The following MBD2 variants were observed in gnomAD, a reference collection of about 807,000 sequenced individuals.
MBD2 encodes the protein methyl-CpG binding domain protein 2.
MBD2 carries 9 observed loss-of-function variants against 39.3 expected under a neutral mutation model. That is an observed-to-expected ratio of 0.23 (90% CI 0.14 to 0.40). MBD2 has a LOEUF of 0.40. Ranked by LOEUF, MBD2 falls within the 10% of genes least tolerant of loss-of-function variation. The pLI is 1.00. For missense variants in MBD2, 458 were observed against 532.6 expected (o/e 0.86, Z 1.38); for synonymous variants, 233 against 211.1 (o/e 1.10, Z -0.90).
chr18:54,177,821 TC>T (rs1351178119), intron 3 of MBD2, among the ~76,000 whole-genome samples: 1 of 136,774 alleles, frequency 7.3e-6, no homozygotes, highest in Non-Finnish European at 1.5e-5. Context: ...ATTTTTTTTT[TC>T]CTCTCTTTTT....
At chr18:54,170,014 T>C (rs944750970) in intron 3 of MBD2, among the ~76,000 whole-genome samples, 1 of 152,204 alleles carries the variant, frequency 6.6e-6, no homozygotes, top group African/African-American at 2.4e-5. Flanking sequence ...AACCAGCTGA[T>C]TGAGGGAGAA....
intron 3 of MBD2, among the ~76,000 whole-genome samples, chr18:54,169,397 A>G (rs192513618): frequency 6.0e-5 from 9 of 150,980 alleles, no homozygotes; most frequent in Admixed American, 3.9e-4. Context: ...TTTGGCCACT[A>G]TGGGCCTCAG....
chr18:54,159,940 G>T, intron 5 of MBD2, 37 bp from the exon 6 acceptor site: 1 of 1,603,704 alleles, frequency 6.2e-7, no homozygotes. Flanking sequence ...CTGAGAATTT[G>T]GCAAGTAATG....
intron 1 of MBD2, among the ~76,000 whole-genome samples, chr18:54,221,174 G>C (rs1041669903): frequency 8.5e-5 from 13 of 152,062 alleles, no homozygotes; most frequent in African/African-American, 3.1e-4. Flanking sequence ...TGATCATATC[G>C]GGGCCGGGCG....
intron 6 of MBD2, among the ~76,000 whole-genome samples, chr18:54,158,167 G>A (rs143707213): frequency 6.6e-6 from 1 of 152,166 alleles, no homozygotes; most frequent in African/African-American, 2.4e-5. Context: ...GGTCCTACGT[G>A]ACTAGGTTCA....
chr18:54,159,972 A>G (rs2086083892), intron 5 of MBD2, 69 bp from the exon 6 acceptor site: 1 of 1,510,220 alleles, frequency 6.6e-7, no homozygotes. Context: ...CTGCTACAGA[A>G]GTTCATCCTT....
intron 3 of MBD2, among the ~76,000 whole-genome samples, chr18:54,185,951 G>C (rs1210859745): frequency 2.0e-5 from 3 of 151,932 alleles, no homozygotes; most frequent in African/African-American, 7.2e-5. Context: ...GCATTTTCAA[G>C]GAGTCAATAC....
chr18:54,209,284 G>A (rs540904630), intron 1 of MBD2, among the ~76,000 whole-genome samples: 1 of 124,152 alleles, frequency 8.1e-6, no homozygotes, highest in Admixed American at 9.3e-5. Context: ...GCAACAGAGT[G>A]AGACTCCATC....
intron 3 of MBD2, among the ~76,000 whole-genome samples, chr18:54,183,675 G>A (rs1255091606): frequency 6.6e-6 from 1 of 152,168 alleles, no homozygotes; most frequent in African/African-American, 2.4e-5. Context: ...CTGAGTAAGA[G>A]GTAAAGCAGA....
intron 1 of MBD2, chr18:54,222,528 C>T (rs771642582): frequency 4.1e-5 from 13 of 313,552 alleles, no homozygotes; most frequent in African/African-American, 2.2e-5. Context: ...ATTGCCCAGG[C>T]ACAATCATAG....
intron 3 of MBD2, among the ~76,000 whole-genome samples, chr18:54,183,383 T>C (rs1208163829): frequency 9.2e-5 from 14 of 152,034 alleles, no homozygotes; most frequent in Admixed American, 9.2e-4. Flanking sequence ...AAAGAATGCA[T>C]AGTATTCCCC....
chr18:54,194,192 G>A (rs2086345812), intron 2 of MBD2, among the ~76,000 whole-genome samples: 1 of 147,888 alleles, frequency 6.8e-6, no homozygotes, highest in Non-Finnish European at 1.5e-5. Context: ...GTAATCAGTT[G>A]CAAAGGATGC....
At chr18:54,182,685 A>G (rs1002073438) in intron 3 of MBD2, among the ~76,000 whole-genome samples, 1 of 152,106 alleles carries the variant, frequency 6.6e-6, no homozygotes, top group East Asian at 1.9e-4. Context: ...CAATATGAAG[A>G]GTGAAGTAAG....
chr18:54,210,155 A>G (rs2086490490), intron 1 of MBD2, among the ~76,000 whole-genome samples: 1 of 152,282 alleles, frequency 6.6e-6, no homozygotes, highest in Admixed American at 6.5e-5. Flanking sequence ...CTGTGATCAC[A>G]CCTTTAACTT....
intron 3 of MBD2, among the ~76,000 whole-genome samples, chr18:54,177,283 G>T (rs1256175202): frequency 2.6e-5 from 4 of 152,088 alleles, no homozygotes; most frequent in African/African-American, 9.7e-5. Context: ...GAAGATGGGG[G>T]CATGTTCGAC....
At chr18:54,157,650 T>A (rs184712627) in intron 6 of MBD2, among the ~76,000 whole-genome samples, 1 of 152,196 alleles carries the variant, frequency 6.6e-6, no homozygotes, top group Non-Finnish European at 1.5e-5. Context: ...ATATGTATTA[T>A]TGGATTTTGG....
intron 6 of MBD2, 127 bp downstream of exon 6, chr18:54,159,638 C>T (rs2086080225): frequency 6.3e-6 from 6 of 958,214 alleles, no homozygotes; most frequent in East Asian, 2.4e-5. Flanking sequence ...AAGCTGGTCT[C>T]GAACTACTGA....
rs1359067120 is a variant in MBD2, at chr18:54,153,082, T to C, written c.*2242A>G. 1.3e-5 allele frequency: 2 copies of C among 152,092 alleles called. No individual in the cohort carries two copies. Among genetic ancestry groups the C allele is most frequent in the Non-Finnish European group, 2.9e-5 (2 of 68,044 alleles). The allele number at this position is 152,092 out of a possible 1,614,324, so 9.4% of individuals were successfully genotyped here. On this transcript the variant is annotated 3_prime_UTR_variant, in exon 7 of 7. Transcript: ENST00000256429. Reference sequence around the variant, plus strand: ...AGGGAAGGGGAAGAAAGTGGACAGGTGAGCAAAAAAGGAAGCCACTGAAAG... The same window carrying C: ...AGGGAAGGGGAAGAAAGTGGACAGGCGAGCAAAAAAGGAAGCCACTGAAAG...
In MBD2 at chr18:54,155,228, T is replaced by G. The variant is rs192229393; in HGVS notation, c.*96A>C. The G allele has an allele frequency of 6.6e-6, 1 of 152,440 alleles. No homozygotes were observed. Among genetic ancestry groups the G allele is most frequent in the Non-Finnish European group, 1.5e-5 (1 of 68,034 alleles). The allele number at this position is 152,440 out of a possible 1,614,324, so 9.4% of individuals were successfully genotyped here. A position where few individuals can be genotyped will look rare whatever the true frequency, so the allele number is the denominator to read the frequency against. On this transcript the variant is annotated 3_prime_UTR_variant, in exon 7 of 7. Transcript: ENST00000256429. ...AAGCTCTATGTGCTCGGGTACATTT[T>G]TTTTCTTACAGGCAAAAGCCAGTGG... is the stretch of plus-strand genomic sequence containing the variant.
Sources: allele counts gnomAD v4.1 joint callset (sites outside exome capture counted in the v4.1 genomes callset), GRCh38; gene constraint gnomAD v4.1.1; transcripts MANE v1.5; gene names NCBI Gene and HGNC (gene_info 2026-07-23, HGNC 2026-07-21).